Variants in WDHD1 observed in about 807,000 individuals in gnomAD.
WDHD1 encodes WD repeat and HMG-box DNA binding protein 1, also known as WD repeat and HMG-box DNA-binding protein 1.
A neutral mutation model predicts 135.4 loss-of-function variants in WDHD1; 111 were observed. The ratio of observed to expected loss-of-function variants is 0.82; its 90% CI spans 0.70 to 0.96. The LOEUF (loss-of-function observed/expected upper bound fraction) is 0.96, where lower values mean the gene tolerates loss of function less well. Ranked by LOEUF, WDHD1 falls within the 40% of genes least tolerant of loss-of-function variation. The probability of loss-of-function intolerance (pLI) is 0.00; values close to 1 mark genes in which losing one functional copy is unlikely to be tolerated. For synonymous variants in WDHD1, 434 were observed against 439.0 expected, an observed-to-expected ratio of 0.99 and a Z score of 0.14; for missense variants, 1,351 against 1,336.3, an observed-to-expected ratio of 1.01 and a Z score of -0.17.
At chr14:54,956,963 A>AG in intron 23 of WDHD1, 71 bp downstream of exon 23, 1 of 1,536,346 alleles carries the variant, frequency 6.5e-7, no homozygotes, top group Non-Finnish European at 8.8e-7. Context: ...CTATATCTGA[A>AG]ACAGTGAACA....
chr14:55,007,233 A>AT, intron 7 of WDHD1, 47 bp downstream of exon 7: 14 of 855,376 alleles, frequency 1.6e-5, no homozygotes, highest in South Asian at 2.1e-5. Flanking sequence ...ATCTCTAATA[A>AT]AAAAAAAAAA....
intron 18 of WDHD1, among the ~76,000 whole-genome samples, chr14:54,966,189 T>A (rs1321992829): frequency 1.1e-4 from 7 of 64,042 alleles, no homozygotes; most frequent in Admixed American, 1.6e-4. Context: ...AAAAAAAAAA[T>A]TAGCTAGGCG....
In WDHD1 at chr14:54,987,278, C is replaced by T. The variant is rs2041708935; in HGVS notation, c.1636G>A (p.Ala546Thr). Residue 546 changes from alanine to threonine, a missense_variant, in exon 14 of 26, where the codon GCT (alanine) becomes ACT (threonine). Physicochemically the swap from Ala to Thr is moderately conservative, Grantham distance 58. This residue lies in a region of WDHD1 where 1,330 missense variants were observed against 1,296.1 expected (regional missense o/e 1.03). Coordinates refer to ENST00000360586, the MANE Select transcript of WDHD1 (RefSeq NM_007086.4). ...AGAAGCAGGGCACTAGTAGCGGCAG[C>T]AGCCCATCCTTGACCGAGACATATG... Reference protein sequence around the residue: ...EAICLGQGWAAAATSALLLRL... With the variant: ...EAICLGQGWATAATSALLLRL... The T allele has an allele frequency of 6.2e-7, 1 of 1,614,094 alleles. No individual in the cohort carries two copies. Among genetic ancestry groups the T allele is most frequent in the East Asian group, 2.2e-5 (1 of 44,872 alleles).
intron 24 of WDHD1, among the ~76,000 whole-genome samples, chr14:54,948,537 G>C (rs1169869213): frequency 6.6e-6 from 1 of 152,238 alleles, no homozygotes; most frequent in Non-Finnish European, 1.5e-5. Flanking sequence ...TGAAGCTCAA[G>C]GAGTCCTGCC....
intron 15 of WDHD1, among the ~76,000 whole-genome samples, chr14:54,981,922 CAAAT>C (rs1316162630): frequency 6.6e-6 from 1 of 151,780 alleles, no homozygotes; most frequent in Non-Finnish European, 1.5e-5. Flanking sequence ...AAAATTTACA[CAAAT>C]AAAGTGAAAA....
chr14:54,989,260 C>A (rs1277455895), intron 12 of WDHD1, 48 bp from the exon 13 acceptor site: 2 of 1,411,016 alleles, frequency 1.4e-6, no homozygotes, highest in South Asian at 1.3e-5. Flanking sequence ...ACTGAAGCTC[C>A]TAGAATCAGT....
chr14:54,991,414 G>T lies in WDHD1; in HGVS notation c.1154-14C>A. On this transcript the variant is annotated splice_polypyrimidine_tract_variant and intron_variant, in intron 11 of 25. Transcript: ENST00000360586. ...GCATTGAAATATCTACAACACAAAG[G>T]ATCATAATTAAGGGAATCACGAATA... 6.2e-7 allele frequency: 1 copy of T among 1,608,772 alleles called. No individual in the cohort carries two copies.
At position 54,955,758 on chromosome 14, in the gene WDHD1, G is replaced by A. The variant is rs971743910; in HGVS notation, c.2917-64C>T. On this transcript the variant is annotated intron_variant, in intron 23 of 25. Coordinates refer to ENST00000360586, the MANE Select transcript of WDHD1 (RefSeq NM_007086.4). ...ATAATTTTATATGTTTTATAAGCAC[G>A]TTCTGAAAAATGTGAAGAAACATCT... is the stretch of plus-strand genomic sequence containing the variant. 18 of 1,290,286 alleles carry A rather than the reference G, an allele frequency of 1.4e-5. No homozygotes were observed. The South Asian group carries it at 2.7e-4, about 19-fold the overall frequency. The allele number at this position is 1,290,286 out of a possible 1,614,324, so 79.9% of individuals were successfully genotyped here.
intron 17 of WDHD1, among the ~76,000 whole-genome samples, chr14:54,967,059 C>A (rs565057177): frequency 6.6e-6 from 1 of 152,200 alleles, no homozygotes; most frequent in East Asian, 1.9e-4. Flanking sequence ...GGGTCTCTGA[C>A]AGTCACACCC....
chr14:54,954,309 G>C (rs1415280423), intron 24 of WDHD1, among the ~76,000 whole-genome samples: 2 of 151,882 alleles, frequency 1.3e-5, no homozygotes, highest in Non-Finnish European at 1.5e-5. Flanking sequence ...TAAATACAAA[G>C]AAATCCAGCA....
At chr14:54,974,162 C>T (rs1308600497) in intron 16 of WDHD1, among the ~76,000 whole-genome samples, 1 of 151,738 alleles carries the variant, frequency 6.6e-6, no homozygotes, top group Non-Finnish European at 1.5e-5. Flanking sequence ...TGGCTCATGC[C>T]TGTAATCCCA....
chr14:55,020,510 T>A (rs2042328345), intron 2 of WDHD1, among the ~76,000 whole-genome samples: 1 of 152,252 alleles, frequency 6.6e-6, no homozygotes, highest in African/African-American at 2.4e-5. Flanking sequence ...GATCTCTAAA[T>A]ATTTTGGAGT....
chr14:54,965,830 C>T (rs2041331332), intron 18 of WDHD1, among the ~76,000 whole-genome samples: 2 of 151,954 alleles, frequency 1.3e-5, no homozygotes, highest in Admixed American at 6.6e-5. Flanking sequence ...GTGGCACACG[C>T]CTGTAGTCCC....
intron 7 of WDHD1, chr14:55,005,040 G>A (rs2042041849): frequency 3.7e-5 from 20 of 545,700 alleles, no homozygotes; most frequent in South Asian, 2.6e-4. Context: ...CTTGGTCACA[G>A]CCTTTTCAGC....
At chr14:54,986,164 G>C (rs568841221) in intron 14 of WDHD1, among the ~76,000 whole-genome samples, 1 of 152,194 alleles carries the variant, frequency 6.6e-6, no homozygotes, top group East Asian at 1.9e-4. Flanking sequence ...TGCATATTTT[G>C]ACCTAAGAGT....
chr14:55,023,464 C>T (rs2042382070), intron 2 of WDHD1, among the ~76,000 whole-genome samples: 3 of 152,188 alleles, frequency 2.0e-5, no homozygotes, highest in Non-Finnish European at 4.4e-5. Context: ...AACTGCAGAC[C>T]TCAATCTACA....
intron 16 of WDHD1, among the ~76,000 whole-genome samples, chr14:54,972,303 A>G (rs2041448909): frequency 6.7e-6 from 1 of 148,732 alleles, no homozygotes; most frequent in Non-Finnish European, 1.5e-5. Context: ...AGTTGGCCAG[A>G]TATGGTGGCT....
chr14:55,006,292 T>C (rs2042067985), intron 7 of WDHD1, among the ~76,000 whole-genome samples: 1 of 152,250 alleles, frequency 6.6e-6, no homozygotes, highest in Non-Finnish European at 1.5e-5. Context: ...CTTTTACTTC[T>C]CTTGGTAGCA....
intron 2 of WDHD1, among the ~76,000 whole-genome samples, chr14:55,022,479 G>A (rs1187881): frequency 0.49 from 74,014 of 151,748 alleles, 19,575 homozygotes; most frequent in East Asian, 0.78. Context: ...TTAAAAACCT[G>A]TTCACCAGCC....
Sources: gnomAD v4.1 joint callset for allele counts (sites outside exome capture counted in the v4.1 genomes callset) on GRCh38, gnomAD v4.1.1 for gene constraint, gnomAD v4.1.1 regional missense constraint, MANE v1.5 for transcripts, NCBI Gene and HGNC (gene_info 2026-07-23, HGNC 2026-07-21) for gene names.